M1AP: variants seen among roughly 807,000 people sequenced by gnomAD.
M1AP encodes the protein meiosis 1 arrest protein.
M1AP carries 39 observed loss-of-function variants against 51.2 expected under a neutral mutation model. The ratio of observed to expected loss-of-function variants is 0.76; its 90% CI spans 0.59 to 1.00. M1AP has a LOEUF of 1.00. M1AP is among the 50% of genes least tolerant of loss of function. The pLI is 0.00. For missense variants in M1AP, 545 were observed against 641.2 expected (o/e 0.85, Z 1.62); for synonymous variants, 251 against 249.2 (o/e 1.01, Z -0.07).
At chr2:74,629,860 A>G (rs1682604465) in intron 2 of M1AP, among the ~76,000 whole-genome samples, 1 of 152,152 alleles carries the variant, frequency 6.6e-6, no homozygotes, top group Non-Finnish European at 1.5e-5. Flanking sequence ...CATTATGTAC[A>G]TGCAAATATT....
intron 2 of M1AP, among the ~76,000 whole-genome samples, chr2:74,621,670 G>C (rs1295609415): frequency 6.6e-6 from 1 of 151,910 alleles, no homozygotes; most frequent in African/African-American, 2.4e-5. Context: ...GCGGGTGCCT[G>C]TAGTCCCAGC....
rs1683252595 is a variant in M1AP, at chr2:74,640,760, C to A, written c.-52-433G>T. ...CGTGAGCCACCGTACCTGGCCCAGG[C>A]CATCCTATTTTAACAGCTCCCAAGA... On this transcript the variant is annotated intron_variant, in intron 1 of 10. Coordinates refer to ENST00000421985, the MANE Select transcript of M1AP (RefSeq NM_001321739.2). Among the ~76,000 whole-genome samples, 5 of 152,322 alleles carry A rather than the reference C, an allele frequency of 3.3e-5. No individual in the cohort carries two copies. The South Asian group carries it at 1.0e-3, about 32-fold the overall frequency.
At chr2:74,636,354 A>T (rs1478742706) in intron 2 of M1AP, among the ~76,000 whole-genome samples, 5 of 151,916 alleles carry the variant, frequency 3.3e-5, no homozygotes, top group African/African-American at 9.7e-5. Flanking sequence ...AATGTGTTTG[A>T]AGTTAGTTTC....
chr2:74,593,733 T>C (rs562543701), intron 4 of M1AP, among the ~76,000 whole-genome samples: 2 of 152,300 alleles, frequency 1.3e-5, no homozygotes, highest in South Asian at 2.1e-4. Flanking sequence ...TGAACAAAAG[T>C]AGACAGACTT....
At chr2:74,617,765 T>G (rs574227445) in intron 2 of M1AP, among the ~76,000 whole-genome samples, 2 of 152,348 alleles carry the variant, frequency 1.3e-5, no homozygotes, top group South Asian at 4.1e-4. Flanking sequence ...TGTTTTAAAA[T>G]AAGCAATGTT....
At chr2:74,569,767 G>A (rs1159719686) in intron 7 of M1AP, among the ~76,000 whole-genome samples, 2 of 152,158 alleles carry the variant, frequency 1.3e-5, no homozygotes, top group Non-Finnish European at 2.9e-5. Flanking sequence ...GGACCTGAGA[G>A]AGAGGAGGAC....
chr2:74,620,004 G>A (rs1004308584), intron 2 of M1AP, among the ~76,000 whole-genome samples: 4 of 152,224 alleles, frequency 2.6e-5, no homozygotes, highest in South Asian at 4.1e-4. Context: ...AGAGATTTAC[G>A]AAAAAATGTG....
intron 7 of M1AP, among the ~76,000 whole-genome samples, chr2:74,572,053 G>A (rs1678778993): frequency 6.6e-6 from 1 of 152,040 alleles, no homozygotes; most frequent in South Asian, 2.1e-4. Context: ...TCCAGAATAG[G>A]AGAGTGGTCT....
At chr2:74,570,279 C>T (rs1678656475) in intron 7 of M1AP, among the ~76,000 whole-genome samples, 1 of 152,084 alleles carries the variant, frequency 6.6e-6, no homozygotes, top group African/African-American at 2.4e-5. Context: ...TCCTGGACAA[C>T]ACAAATTATA....
intron 4 of M1AP, among the ~76,000 whole-genome samples, chr2:74,598,381 C>CAATA (rs112411965): frequency 0.1 from 15,427 of 149,216 alleles, 2,159 homozygotes; most frequent in African/African-American, 0.32. Flanking sequence ...GACTCCATGT[C>CAATA]AATAAATAAA....
Position 74,616,321 on chromosome 2 carries a change from C to T in M1AP, c.241-1172G>A, listed in dbSNP as rs76470293. 1.3e-4 allele frequency among the ~76,000 whole-genome samples: 20 copies of T among 152,092 alleles called. No individual in the cohort carries two copies. In the South Asian group the frequency reaches 1.5e-3, roughly 11 times the overall value. ...TTCCAACTTTATAAGTGGTTGCTAA[C>T]GATGTAACTTCCTGCATATTTTAAA... On this transcript the variant is annotated intron_variant, in intron 2 of 10. Coordinates refer to ENST00000421985, the MANE Select transcript of M1AP (RefSeq NM_001321739.2).
chr2:74,622,576 GTGGCTAATAGAAAAATTTGTAT>G (rs1218862037), intron 2 of M1AP, among the ~76,000 whole-genome samples: 6 of 142,838 alleles, frequency 4.2e-5, no homozygotes, highest in Non-Finnish European at 8.9e-5. Context: ...ATTTTTAAAG[GTGGCTAATAGAAAAATTTGTAT>G]TATATGTGTG....
chr2:74,634,176 A>G (rs1321885902), intron 2 of M1AP, among the ~76,000 whole-genome samples: 15 of 152,216 alleles, frequency 9.9e-5, no homozygotes, highest in Admixed American at 9.8e-4. Context: ...TATCAGCTTA[A>G]TGTTATTAAC....
intron 4 of M1AP, among the ~76,000 whole-genome samples, chr2:74,602,959 T>C (rs1326416541): frequency 2.6e-5 from 4 of 152,216 alleles, no homozygotes; most frequent in African/African-American, 9.6e-5. Flanking sequence ...ATTAGAGACA[T>C]AACAAGTTCT....
intron 8 of M1AP, 42 bp downstream of exon 8, chr2:74,562,175 T>A (rs79405350): frequency 0.044 from 67,814 of 1,556,396 alleles, 1,853 homozygotes; most frequent in South Asian, 0.11. Context: ...TCAAACTCCA[T>A]TCGCTTCTAG....
chr2:74,613,651 C>A (rs1681498832), intron 3 of M1AP, among the ~76,000 whole-genome samples: 1 of 152,162 alleles, frequency 6.6e-6, no homozygotes. Flanking sequence ...GGGTTAGGTT[C>A]TGTTTAACTA....
intron 7 of M1AP, among the ~76,000 whole-genome samples, chr2:74,569,015 C>T (rs1480458357): frequency 6.6e-6 from 1 of 152,092 alleles, no homozygotes; most frequent in Non-Finnish European, 1.5e-5. Context: ...AGACATGTGC[C>T]ACATGTCTGA....
intron 4 of M1AP, among the ~76,000 whole-genome samples, chr2:74,605,279 T>C (rs778141936): frequency 6.6e-6 from 1 of 152,140 alleles, no homozygotes; most frequent in Non-Finnish European, 1.5e-5. Context: ...GTTATACACA[T>C]AAACAGGGAA....
intron 5 of M1AP, among the ~76,000 whole-genome samples, chr2:74,578,358 T>C (rs1679206436): frequency 1.3e-5 from 2 of 152,182 alleles, no homozygotes; most frequent in Non-Finnish European, 2.9e-5. Context: ...GCTGCACCCA[T>C]TAACTCGTCA....
Sources: gnomAD v4.1 joint callset for allele counts (sites outside exome capture counted in the v4.1 genomes callset) on GRCh38, gnomAD v4.1.1 for gene constraint, MANE v1.5 for transcripts, NCBI Gene and HGNC (gene_info 2026-07-23, HGNC 2026-07-21) for gene names.